The following GPR158 variants were observed in gnomAD, a reference collection of about 807,000 sequenced individuals.
The protein encoded by GPR158 is G protein-coupled receptor 158.
GPR158 carries 30 observed loss-of-function variants against 78.2 expected under a neutral mutation model. The observed-to-expected ratio is 0.38, with a 90% CI of 0.29 to 0.52. The LOEUF (loss-of-function observed/expected upper bound fraction) is 0.52. Ranked by LOEUF, GPR158 falls within the 20% of genes least tolerant of loss-of-function variation. The pLI is 0.83. For missense variants in GPR158, 1,463 were observed against 1,523.5 expected, an observed-to-expected ratio of 0.96 and a Z score of 0.66; for synonymous variants, 581 against 591.1, an observed-to-expected ratio of 0.98 and a Z score of 0.25.
Position 25,466,737 on chromosome 10 carries a change from G to C in GPR158, c.1404+18G>C. On this transcript the variant is annotated intron_variant, in intron 5 of 10. Coordinates refer to ENST00000376351, the MANE Select transcript of GPR158 (RefSeq NM_020752.3). ...ACTTTCCAGTAAGTAACAGAATTTT[G>C]TTTTTAAAGTAGAAATTTATTTTAT... The C allele has an allele frequency of 6.9e-7, 1 of 1,458,670 alleles. No homozygotes were observed. The highest frequency in any genetic ancestry group is 1.8e-4 in the Middle Eastern group (1 of 5,640). The allele number at this position is 1,458,670 out of a possible 1,614,324, so 90.4% of individuals were successfully genotyped here.
intron 7 of GPR158, among the ~76,000 whole-genome samples, chr10:25,586,131 A>G (rs758825745): frequency 1.3e-5 from 2 of 152,196 alleles, no homozygotes; most frequent in Non-Finnish European, 2.9e-5. Context: ...TGCCGGGATA[A>G]CAGGATTTGT....
chr10:25,403,356 A>G (rs1834470166), intron 3 of GPR158, among the ~76,000 whole-genome samples: 2 of 152,024 alleles, frequency 1.3e-5, no homozygotes, highest in Non-Finnish European at 2.9e-5. Flanking sequence ...AACGTTTTAG[A>G]TTCCTCAGAT....
intron 2 of GPR158, among the ~76,000 whole-genome samples, chr10:25,309,903 A>T (rs2037525010): frequency 6.6e-6 from 1 of 152,126 alleles, no homozygotes; most frequent in South Asian, 2.1e-4. Context: ...TTTCTGTATA[A>T]ATTACCCCAT....
At position 25,602,001 on chromosome 10, in the gene GPR158, T is replaced by C. The variant is rs1837506277; in HGVS notation, c.*2727T>C. 6.6e-6 allele frequency: 1 copy of C among 152,634 alleles called. No homozygotes were observed. Among genetic ancestry groups the C allele is most frequent in the South Asian group, 2.1e-4 (1 of 4,828 alleles). 9.5% of individuals were successfully genotyped at this position (152,634 alleles called of 1,614,324 possible). A position where few individuals can be genotyped will look rare whatever the true frequency, so the allele number is the denominator to read the frequency against. On this transcript the variant is annotated 3_prime_UTR_variant, in exon 11 of 11. Coordinates refer to ENST00000376351, the MANE Select transcript of GPR158 (RefSeq NM_020752.3). ...TTCCTAGGTTTCTGCATGCAAGTTATGACAGGTAGGACTGAAAAAACACTG... is the reference window on the plus strand; with the variant it reads ...TTCCTAGGTTTCTGCATGCAAGTTACGACAGGTAGGACTGAAAAAACACTG...
chr10:25,548,343 A>C (rs747925775), intron 5 of GPR158, among the ~76,000 whole-genome samples: 41 of 152,148 alleles, frequency 2.7e-4, no homozygotes, highest in Non-Finnish European at 2.4e-4. Flanking sequence ...GGCTGGGTTG[A>C]TCAGAAAAGA....
At chr10:25,339,240 G>T (rs144089386) in intron 2 of GPR158, among the ~76,000 whole-genome samples, 179 of 151,640 alleles carry the variant, frequency 1.2e-3, no homozygotes, top group African/African-American at 4.0e-3. Context: ...TCCCACCTTG[G>T]CCTCCCAAAG....
At chr10:25,461,949 C>T (rs1835363177) in intron 4 of GPR158, among the ~76,000 whole-genome samples, 1 of 151,868 alleles carries the variant, frequency 6.6e-6, no homozygotes, top group Admixed American at 6.6e-5. Flanking sequence ...ACCATGTTAG[C>T]CAGGATGGTC....
At chr10:25,443,642 A>ATCCTGGTGGTTGAAAACCACAGGTAG (rs1407648912) in intron 4 of GPR158, among the ~76,000 whole-genome samples, 97 of 150,894 alleles carry the variant, frequency 6.4e-4, no homozygotes, top group Non-Finnish European at 9.3e-4. Context: ...CCTGACCTCA[A>ATCCTGGTGGTTGAAAACCACAGGTAG]GCGATCATTC....
intron 8 of GPR158, among the ~76,000 whole-genome samples, chr10:25,589,351 G>A (rs1004772103): frequency 6.6e-6 from 1 of 152,002 alleles, no homozygotes; most frequent in African/African-American, 2.4e-5. Flanking sequence ...GTTGTTTATT[G>A]CCTTCTTCTA....
At chr10:25,462,384 T>A (rs531253013) in intron 4 of GPR158, among the ~76,000 whole-genome samples, 1 of 152,336 alleles carries the variant, frequency 6.6e-6, no homozygotes, top group South Asian at 2.1e-4. Flanking sequence ...GATGGAGATA[T>A]GCAAGGAGAT....
chr10:25,517,298 A>T (rs1007443652), intron 5 of GPR158, among the ~76,000 whole-genome samples: 1 of 151,720 alleles, frequency 6.6e-6, no homozygotes, highest in Non-Finnish European at 1.5e-5. Context: ...TTCTAGATAA[A>T]CAATCATGTC....
intron 5 of GPR158, among the ~76,000 whole-genome samples, chr10:25,498,989 A>G (rs995470264): frequency 1.3e-5 from 2 of 152,168 alleles, no homozygotes; most frequent in Admixed American, 1.3e-4. Flanking sequence ...TTCAGGTGTG[A>G]CTAAGATATT....
intron 5 of GPR158, among the ~76,000 whole-genome samples, chr10:25,528,585 G>T (rs1836381966): frequency 6.6e-6 from 1 of 150,716 alleles, no homozygotes; most frequent in African/African-American, 2.4e-5. Flanking sequence ...ATTAAAAAAT[G>T]TGCAAGAAAT....
intron 2 of GPR158, among the ~76,000 whole-genome samples, chr10:25,277,981 G>C (rs1396293296): frequency 6.6e-6 from 1 of 152,042 alleles, no homozygotes; most frequent in Non-Finnish European, 1.5e-5. Flanking sequence ...CTTCCCTATA[G>C]TGTCTAATTG....
chr10:25,231,256 G>A (rs1853444050), intron 2 of GPR158, among the ~76,000 whole-genome samples: 1 of 152,166 alleles, frequency 6.6e-6, no homozygotes, highest in Non-Finnish European at 1.5e-5. Flanking sequence ...TTTGATGAAA[G>A]TGAGATGAAA....
chr10:25,514,774 C>G (rs1564476296), intron 5 of GPR158, among the ~76,000 whole-genome samples: 1 of 152,066 alleles, frequency 6.6e-6, no homozygotes, highest in Admixed American at 6.5e-5. Context: ...ATTTATGAAG[C>G]TTTGTTTTGC....
chr10:25,564,760 T>TTTTTG (rs1185540047), intron 6 of GPR158, among the ~76,000 whole-genome samples: 1 of 152,150 alleles, frequency 6.6e-6, no homozygotes, highest in Admixed American at 6.5e-5. Flanking sequence ...GATTCAGCTG[T>TTTTTG]TTTTGTTTTT....
chr10:25,551,132 A>C, intron 6 of GPR158, 47 bp downstream of exon 6: 1 of 1,067,128 alleles, frequency 9.4e-7, no homozygotes, highest in Non-Finnish European at 1.5e-6. Flanking sequence ...GATCAAACTA[A>C]TCAGCTTGGC....
At chr10:25,256,859 A>T (rs1477613175) in intron 2 of GPR158, among the ~76,000 whole-genome samples, 1 of 152,198 alleles carries the variant, frequency 6.6e-6, no homozygotes, top group Admixed American at 6.5e-5. Flanking sequence ...AGATCCAAAA[A>T]GTATTCTAGC....
Sources: allele counts gnomAD v4.1 joint callset (sites outside exome capture counted in the v4.1 genomes callset), GRCh38; gene constraint gnomAD v4.1.1; transcripts MANE v1.5; gene names NCBI Gene and HGNC (gene_info 2026-07-23, HGNC 2026-07-21).